The following TMEM216 variants were observed in gnomAD, a reference collection of about 807,000 sequenced individuals.
TMEM216 encodes the protein cerebello-oculo-renal syndrome 2.
A neutral mutation model predicts 17.8 loss-of-function variants in TMEM216; 15 were observed. The observed-to-expected ratio is 0.84, with a 90% confidence interval of 0.56 to 1.30. The LOEUF is 1.30. Among genes scored for constraint, TMEM216 ranks in the 50% most tolerant of loss-of-function variants. The pLI, the probability that TMEM216 is intolerant of heterozygous loss-of-function variation, is 0.00. For synonymous variants in TMEM216, 58 were observed against 73.5 expected (o/e 0.79, Z 1.08); for missense variants, 160 against 175.7 (o/e 0.91, Z 0.51).
chr11:61,398,033 A>C, intron 4 of TMEM216, 58 bp downstream of exon 4: 1 of 1,590,678 alleles, frequency 6.3e-7, no homozygotes, highest in Non-Finnish European at 8.6e-7. Context: ...CATCCCAGGG[A>C]GGGATTCAGT....
At chr11:61,398,073 A>G (rs1045035595) in intron 4 of TMEM216, 98 bp downstream of exon 4, 1 of 1,489,710 alleles carries the variant, frequency 6.7e-7, no homozygotes, top group African/African-American at 1.4e-5. Flanking sequence ...GGTCTAGAAG[A>G]CTTTTTTCTA....
chr11:61,393,236 C>T lies in TMEM216; in HGVS notation c.40C>T (p.Arg14Trp), dbSNP rs528271337. ...TCTCTGTGCTCCTTTTTCAGGTAAA[C>T]GGTTGTCCTCCACCCCGCTGGAAAT... ...RGLKMAPRGKRLSSTPLEILF... is the reference protein window; with the variant it reads ...RGLKMAPRGKWLSSTPLEILF... Residue 14 changes from arginine to tryptophan, a missense_variant, in exon 2 of 5, where the codon CGG becomes TGG. By Grantham distance (101) the Arg-to-Trp change is moderately radical. Transcript: ENST00000515837. 3 of 1,535,272 alleles carry T rather than the reference C, an allele frequency of 2.0e-6. No homozygotes were observed. Among genetic ancestry groups the T allele is most frequent in the Admixed American group, 3.9e-5 (2 of 50,916 alleles).
chr11:61,398,414 G>A lies in TMEM216; in HGVS notation c.*138G>A. ...TGGCTTTTCTTCAGCACAGACATTT[G>A]GGCAAGCAACTCAGCATAAGGCCAG... On this transcript the variant is annotated 3_prime_UTR_variant, in exon 5 of 5. Transcript: ENST00000515837. The A allele has an allele frequency of 2.2e-6, 2 of 917,018 alleles. No homozygotes were observed. Among genetic ancestry groups the A allele is most frequent in the Non-Finnish European group, 3.3e-6 (2 of 600,070 alleles). 56.8% of individuals were successfully genotyped at this position (917,018 alleles called of 1,614,324 possible).
Position 61,395,318 on chromosome 11 carries a change from C to A in TMEM216, c.229+1342C>A, listed in dbSNP as rs1191912478. Among the ~76,000 whole-genome samples the A allele has an allele frequency of 2.0e-5, 3 of 152,060 alleles. No individual in the cohort carries two copies. In the South Asian group the frequency reaches 6.2e-4, roughly 32 times the overall value. On this transcript the variant is annotated intron_variant, in intron 3 of 4. Transcript: ENST00000515837. ...TAACCCCAGAAATACAGAGCAAAAC[C>A]CTTATTTGTTAGAATATGTCATCCC...
chr11:61,398,131 G>T (rs1034626398), intron 4 of TMEM216, 139 bp from the exon 5 acceptor site: 5 of 1,404,320 alleles, frequency 3.6e-6, no homozygotes, highest in Non-Finnish European at 5.0e-6. Context: ...TTTAGGGTAG[G>T]TAGATCGTTT....
At chr11:61,398,159 C>G (rs2135196769) in intron 4 of TMEM216, 111 bp from the exon 5 acceptor site, 1 of 1,445,848 alleles carries the variant, frequency 6.9e-7, no homozygotes, top group South Asian at 1.2e-5. Context: ...AGGGAAGATA[C>G]TCTCCCTATC....
At chr11:61,392,811 C>T in intron 1 of TMEM216, 146 bp downstream of exon 1, 2 of 1,512,780 alleles carry the variant, frequency 1.3e-6, no homozygotes, top group Admixed American at 2.1e-5. Context: ...TTCCGCGGTC[C>T]CGCCCACCCT....
chr11:61,394,829 G>C (rs1332635721), intron 3 of TMEM216, among the ~76,000 whole-genome samples: 1 of 151,832 alleles, frequency 6.6e-6, no homozygotes, highest in Non-Finnish European at 1.5e-5. Flanking sequence ...ACCATGCCCG[G>C]CAAGTTTTTA....
chr11:61,393,393 C>G, intron 2 of TMEM216, 61 bp downstream of exon 2: 1 of 1,188,262 alleles, frequency 8.4e-7, no homozygotes, highest in South Asian at 1.3e-5. Flanking sequence ...AGAGCCAATT[C>G]CTACCAAGAA....
At chr11:61,398,093 A>T in intron 4 of TMEM216, 118 bp downstream of exon 4, 1 of 1,400,882 alleles carries the variant, frequency 7.1e-7, no homozygotes, top group Non-Finnish European at 1.0e-6. Context: ...AGAGGGAGGA[A>T]GGGGTGGCTA....
intron 3 of TMEM216, among the ~76,000 whole-genome samples, chr11:61,396,839 TGGGAAGATCCCTTCAGCCCA>T (rs1858809824): frequency 6.7e-6 from 1 of 149,636 alleles, no homozygotes; most frequent in Non-Finnish European, 1.5e-5. Flanking sequence ...GTACCTATAG[TGGGAAGATCCCTTCAGCCCA>T]GGGGTTCGAG....
At chr11:61,394,471 C>T (rs1858755779) in intron 3 of TMEM216, among the ~76,000 whole-genome samples, 2 of 151,486 alleles carry the variant, frequency 1.3e-5, no homozygotes, top group South Asian at 2.1e-4. Flanking sequence ...CGGGATCAAG[C>T]GATTCTCCTG....
In TMEM216 at chr11:61,393,976, G is replaced by T. The variant is rs940293004; in HGVS notation, c.229G>T (p.Gly77Cys). The T allele has an allele frequency of 3.7e-6, 6 of 1,613,688 alleles. No individual in the cohort carries two copies. The highest frequency in any genetic ancestry group is 1.3e-5 in the African/African-American group (1 of 75,010). ...LGIEVIRLFF[G>C]TKGNLCQRKM... is the part of the protein sequence containing the mutation. ...AATTGAAGTAATTCGCCTGTTTTTT[G>T]GTAAGTGTTGTCCAGAGAATATTTC... Residue 77 changes from glycine (G) to cysteine (C), a missense_variant and splice_region_variant, in exon 3 of 5, where the codon GGT becomes TGT. By Grantham distance (159) the Gly-to-Cys change is radical (BLOSUM62 -3). Transcript: ENST00000515837.
chr11:61,393,363 T>C, intron 2 of TMEM216, 31 bp downstream of exon 2: 7 of 1,432,562 alleles, frequency 4.9e-6, no homozygotes, highest in South Asian at 1.2e-5. Context: ...GACGACAGCA[T>C]CCCTTCCCCA....
chr11:61,394,828 G>C (rs755559681), intron 3 of TMEM216, among the ~76,000 whole-genome samples: 1 of 151,278 alleles, frequency 6.6e-6, no homozygotes, highest in Non-Finnish European at 1.5e-5. Flanking sequence ...CACCATGCCC[G>C]GCAAGTTTTT....
In TMEM216 at chr11:61,396,372, G is replaced by C. The variant is rs529056614; in HGVS notation, c.230-1402G>C. 1.4e-4 allele frequency among the ~76,000 whole-genome samples: 21 copies of C among 152,244 alleles called. 1 individual carries two copies. In the South Asian group the frequency reaches 4.4e-3, roughly 32 times the overall value. On this transcript the variant is annotated intron_variant, in intron 3 of 4. Transcript: ENST00000515837. The stretch of plus-strand genomic sequence containing the variant: ...CACGTGCCTGTAATCCCAGCTACTC[G>C]GGAGGGTGAGGCAGGAGAATCACTT...
intron 4 of TMEM216, 39 bp from the exon 5 acceptor site, chr11:61,398,231 C>A: frequency 6.3e-7 from 1 of 1,588,358 alleles, no homozygotes; most frequent in Non-Finnish European, 8.5e-7. Flanking sequence ...ATTCACTGGT[C>A]TTTTAACATT....
At chr11:61,397,686 T>G (rs1237369970) in intron 3 of TMEM216, 88 bp from the exon 4 acceptor site, 1 of 1,244,324 alleles carries the variant, frequency 8.0e-7, no homozygotes, top group Non-Finnish European at 1.2e-6. Context: ...TTTTTGTGCC[T>G]TGCCATTCCA....
At chr11:61,396,206 C>A (rs1858794415) in intron 3 of TMEM216, among the ~76,000 whole-genome samples, 1 of 152,024 alleles carries the variant, frequency 6.6e-6, no homozygotes, top group Admixed American at 6.6e-5. Flanking sequence ...AGTTGCTGGG[C>A]ATGGTGGCTC....
Sources: gnomAD v4.1 joint callset for allele counts (sites outside exome capture counted in the v4.1 genomes callset) on GRCh38, gnomAD v4.1.1 for gene constraint, MANE v1.5 for transcripts, NCBI Gene and HGNC (gene_info 2026-07-23, HGNC 2026-07-21) for gene names.